STAT3: variants seen among roughly 807,000 people sequenced by gnomAD.
The protein encoded by STAT3 is signal transducer and activator of transcription 3.
Under a neutral mutation model 114.3 loss-of-function variants are expected in STAT3, and 7 were observed. The ratio of observed to expected loss-of-function variants is 0.06; its 90% confidence interval spans 0.03 to 0.11. STAT3 has a LOEUF of 0.11. STAT3 is among the 10% of genes least tolerant of loss of function. The probability of loss-of-function intolerance (pLI) is 1.00; values close to 1 mark genes in which losing one functional copy is unlikely to be tolerated. For synonymous variants in STAT3, 331 were observed against 354.5 expected (o/e 0.93, Z 0.74); for missense variants, 364 against 960.9 (o/e 0.38, Z 8.21).
intron 1 of STAT3, among the ~76,000 whole-genome samples, chr17:42,357,608 GT>G (rs1382965355): frequency 6.6e-6 from 1 of 152,098 alleles, no homozygotes; most frequent in Non-Finnish European, 1.5e-5. Flanking sequence ...CGAGGCAGAG[GT>G]TGCAGTGAAC....
At chr17:42,339,459 G>T in intron 4 of STAT3, 50 bp from the exon 5 acceptor site, 1 of 1,577,110 alleles carries the variant, frequency 6.3e-7, no homozygotes, top group Non-Finnish European at 8.7e-7. Flanking sequence ...TATGGGGAGA[G>T]GAATACCTCT....
chr17:42,375,760 C>T (rs1249208699), intron 1 of STAT3, among the ~76,000 whole-genome samples: 1 of 149,192 alleles, frequency 6.7e-6, no homozygotes, highest in Admixed American at 6.7e-5. Context: ...ATTCGGGAGG[C>T]GGAGGTTGTG....
intron 1 of STAT3, among the ~76,000 whole-genome samples, chr17:42,372,676 A>T (rs764616675): frequency 5.9e-5 from 9 of 152,126 alleles, no homozygotes; most frequent in Non-Finnish European, 1.3e-4. Context: ...ACAGAGTGAA[A>T]TGTAATGTAA....
At chr17:42,336,272 G>A (rs2082225242) in intron 8 of STAT3, among the ~76,000 whole-genome samples, 1 of 152,080 alleles carries the variant, frequency 6.6e-6, no homozygotes, top group Non-Finnish European at 1.5e-5. Flanking sequence ...CTGGATGAAG[G>A]TAAAAGTGCA....
rs547406145 is a variant in STAT3, at chr17:42,353,917, G to A, written c.-23-5378C>T. 4.0e-4 allele frequency among the ~76,000 whole-genome samples: 61 copies of A among 152,184 alleles called. 1 individual carries two copies. The highest frequency in any genetic ancestry group is 5.0e-4 in the Non-Finnish European group (34 of 68,010). The stretch of plus-strand genomic sequence containing the variant: ...TATTTGTCTTGGATACAAATGCAGA[G>A]GCATCACAGTCTACTCCCTGAAGGT... On this transcript the variant is annotated intron_variant, in intron 1 of 23. Transcript: ENST00000264657.
rs182942411 is a variant in STAT3 at position 42,381,685 on chromosome 17, T to C, written c.-24+6594A>G. ...AGGCGGAGCTTGCAATGAGCCAAGA[T>C]AGCGCCACTGCACTCCAGCCTGGGC... On this transcript the variant is annotated intron_variant, in intron 1 of 23. Transcript: ENST00000264657. Among the ~76,000 whole-genome samples, 45 of 141,216 alleles carry C rather than the reference T, an allele frequency of 3.2e-4. No individual in the cohort carries two copies. In the East Asian group the frequency reaches 6.0e-3, roughly 19 times the overall value. 92.6% of individuals were successfully genotyped at this position (141,216 alleles called of 152,430 possible). A position where few individuals can be genotyped will look rare whatever the true frequency, so the allele number is the denominator to read the frequency against.
At chr17:42,379,095 T>C (rs1256561839) in intron 1 of STAT3, among the ~76,000 whole-genome samples, 2 of 152,152 alleles carry the variant, frequency 1.3e-5, no homozygotes, top group Non-Finnish European at 2.9e-5. Flanking sequence ...TTACCTTCAC[T>C]AATCCAAATC....
intron 1 of STAT3, among the ~76,000 whole-genome samples, chr17:42,366,636 A>C (rs2083808474): frequency 1.5e-5 from 2 of 137,154 alleles, no homozygotes; most frequent in African/African-American, 2.7e-5. Flanking sequence ...GCACCACTGC[A>C]CTCCAGCCTG....
At chr17:42,380,972 A>G (rs1223664999) in intron 1 of STAT3, among the ~76,000 whole-genome samples, 1 of 152,208 alleles carries the variant, frequency 6.6e-6, no homozygotes, top group East Asian at 1.9e-4. Flanking sequence ...TCTGCCCGGC[A>G]CTATGCAAAG....
chr17:42,355,408 T>A (rs1598463100), intron 1 of STAT3, among the ~76,000 whole-genome samples: 1 of 152,170 alleles, frequency 6.6e-6, no homozygotes, highest in Non-Finnish European at 1.5e-5. Context: ...TCTGGGTGCA[T>A]AAGAGAGAAG....
Position 42,345,775 on chromosome 17 carries a change from C to A in STAT3, c.274-118G>T, listed in dbSNP as rs191378671. 2.4e-5 allele frequency: 25 copies of A among 1,033,740 alleles called. No homozygotes were observed. Among genetic ancestry groups the A allele is most frequent in the South Asian group, 4.1e-5 (3 of 73,444 alleles). 64.0% of individuals were successfully genotyped at this position (1,033,740 alleles called of 1,614,324 possible). A position where few individuals can be genotyped will look rare whatever the true frequency, so the allele number is the denominator to read the frequency against. On this transcript the variant is annotated intron_variant, in intron 3 of 23. Coordinates refer to ENST00000264657, the MANE Select transcript of STAT3 (RefSeq NM_139276.3). The stretch of plus-strand genomic sequence containing the variant: ...GGAAAGCATTTATTCTAGGAAACAA[C>A]GGAACAAAGGCTTCAGAGCCTGGGT...
intron 1 of STAT3, among the ~76,000 whole-genome samples, chr17:42,368,205 GA>G (rs1381436039): frequency 6.6e-6 from 1 of 151,382 alleles, no homozygotes; most frequent in African/African-American, 2.4e-5. Context: ...AGCCTCAAAA[GA>G]AAAAAAATAA....
intron 21 of STAT3, among the ~76,000 whole-genome samples, chr17:42,321,414 T>G (rs1488041752): frequency 6.6e-6 from 1 of 152,092 alleles, no homozygotes; most frequent in Non-Finnish European, 1.5e-5. Context: ...CATGAGCCAC[T>G]TCACCCAGCT....
In STAT3 at chr17:42,313,912, C is replaced by T. The variant is rs2081162868; in HGVS notation, c.*1833G>A. On this transcript the variant is annotated 3_prime_UTR_variant, in exon 24 of 24. Coordinates refer to ENST00000264657, the MANE Select transcript of STAT3 (RefSeq NM_139276.3). Reference sequence around the variant, plus strand: ...TCATCTTAGAGAAGGTCGTCTCCCCCTTAATTCAGAGACCAGCTAATTTGA... The same window carrying T: ...TCATCTTAGAGAAGGTCGTCTCCCCTTTAATTCAGAGACCAGCTAATTTGA... 1 of 232,364 alleles carries T rather than the reference C, an allele frequency of 4.3e-6. No homozygotes were observed. The highest frequency in any genetic ancestry group is 5.6e-5 in the Admixed American group (1 of 17,734). 14.4% of individuals were successfully genotyped at this position (232,364 alleles called of 1,614,324 possible).
At chr17:42,338,650 A>G in intron 6 of STAT3, 81 bp downstream of exon 6, 1 of 1,381,482 alleles carries the variant, frequency 7.2e-7, no homozygotes, top group Admixed American at 1.7e-5. Context: ...AGATCTAAAC[A>G]GAGTTAAGAC....
At chr17:42,369,049 T>G (rs1331813382) in intron 1 of STAT3, among the ~76,000 whole-genome samples, 2 of 152,090 alleles carry the variant, frequency 1.3e-5, no homozygotes, top group African/African-American at 4.8e-5. Context: ...AGCCTCCAGC[T>G]CCATCCATGT....
At chr17:42,316,712 G>A in intron 23 of STAT3, 77 bp downstream of exon 23, 1 of 1,599,690 alleles carries the variant, frequency 6.3e-7, no homozygotes, top group Non-Finnish European at 8.5e-7. Flanking sequence ...CCAGCTCTCG[G>A]TGTGTACATG....
intron 1 of STAT3, among the ~76,000 whole-genome samples, chr17:42,369,552 T>TATAAA (rs2083991740): frequency 1.3e-5 from 2 of 152,240 alleles, no homozygotes; most frequent in Non-Finnish European, 2.9e-5. Flanking sequence ...TATTACTGCC[T>TATAAA]GCTTTTCAAT....
intron 1 of STAT3, among the ~76,000 whole-genome samples, chr17:42,354,076 C>A (rs773231661): frequency 6.6e-6 from 1 of 151,634 alleles, no homozygotes; most frequent in Non-Finnish European, 1.5e-5. Context: ...TTATCTAATT[C>A]ATTTCCAGTA....
Sources: allele counts gnomAD v4.1 joint callset (sites outside exome capture counted in the v4.1 genomes callset), GRCh38; gene constraint gnomAD v4.1.1; transcripts MANE v1.5; gene names NCBI Gene and HGNC (gene_info 2026-07-23, HGNC 2026-07-21).